The following LRRC8B variants were observed in gnomAD, a reference collection of about 807,000 sequenced individuals.
LRRC8B encodes volume-regulated anion channel subunit LRRC8B.
Under a neutral mutation model 58.8 loss-of-function variants are expected in LRRC8B, and 23 were observed. The observed-to-expected ratio is 0.39, with a 90% CI of 0.28 to 0.55. The LOEUF (loss-of-function observed/expected upper bound fraction) is 0.55. Among genes scored for constraint, LRRC8B ranks in the 20% least tolerant of loss-of-function variants. The probability of loss-of-function intolerance (pLI) is 0.62; values close to 1 mark genes in which losing one functional copy is unlikely to be tolerated. For missense variants in LRRC8B, 694 were observed against 936.0 expected, an observed-to-expected ratio of 0.74 and a Z score of 3.37; for synonymous variants, 359 against 374.1, an observed-to-expected ratio of 0.96 and a Z score of 0.47.
chr1:89,531,553 C>T (rs1650133373), intron 1 of LRRC8B, among the ~76,000 whole-genome samples: 1 of 152,148 alleles, frequency 6.6e-6, no homozygotes, highest in Non-Finnish European at 1.5e-5. Flanking sequence ...TCTAGATGAT[C>T]CTCTCTGGTA....
intron 1 of LRRC8B, among the ~76,000 whole-genome samples, chr1:89,530,361 A>AACAT (rs1557589180): frequency 7.2e-6 from 1 of 138,804 alleles, no homozygotes; most frequent in Non-Finnish European, 1.5e-5. Flanking sequence ...TCTGTCTCCA[A>AACAT]AAATAAATAA....
rs1351709232 is a variant in LRRC8B at position 89,597,271 on chromosome 1, T to C, written c.*4228T>C. On this transcript the variant is annotated 3_prime_UTR_variant, in exon 6 of 6. Coordinates refer to ENST00000330947, the MANE Select transcript of LRRC8B (RefSeq NM_001369817.2). ...TCAGCACTAAAGCATTAACATAGAATAATGAGCCAAAGTACTGAGTCGAGA... is the reference window on the plus strand; with the variant it reads ...TCAGCACTAAAGCATTAACATAGAACAATGAGCCAAAGTACTGAGTCGAGA... 6.6e-6 allele frequency: 1 copy of C among 152,214 alleles called. No individual in the cohort carries two copies. The highest frequency in any genetic ancestry group is 2.4e-5 in the African/African-American group (1 of 41,462). The allele number at this position is 152,214 out of a possible 1,614,324, so 9.4% of individuals were successfully genotyped here. A position where few individuals can be genotyped will look rare whatever the true frequency, so the allele number is the denominator to read the frequency against.
chr1:89,532,342 C>T (rs998807556), intron 1 of LRRC8B, among the ~76,000 whole-genome samples: 3 of 152,166 alleles, frequency 2.0e-5, no homozygotes, highest in Non-Finnish European at 4.4e-5. Context: ...GTGTAGTAAA[C>T]GTGCCAAAAC....
chr1:89,573,026 C>T (rs1653576356), intron 3 of LRRC8B, among the ~76,000 whole-genome samples: 2 of 152,280 alleles, frequency 1.3e-5, no homozygotes, highest in South Asian at 2.1e-4. Context: ...GTCGGCCAGG[C>T]ACGGTGGTTC....
At chr1:89,528,910 A>G (rs996119319) in intron 1 of LRRC8B, among the ~76,000 whole-genome samples, 1 of 152,182 alleles carries the variant, frequency 6.6e-6, no homozygotes, top group Admixed American at 6.5e-5. Context: ...GTTATATGTC[A>G]TTGCCTAGAA....
intron 1 of LRRC8B, among the ~76,000 whole-genome samples, chr1:89,546,135 A>G (rs939805736): frequency 2.0e-5 from 3 of 152,200 alleles, no homozygotes; most frequent in African/African-American, 7.2e-5. Context: ...CTATCAGAAT[A>G]GAGAGCATGT....
intron 1 of LRRC8B, among the ~76,000 whole-genome samples, chr1:89,530,979 C>A (rs768453908): frequency 2.0e-5 from 3 of 152,116 alleles, no homozygotes; most frequent in African/African-American, 7.2e-5. Context: ...GCATCTTCCA[C>A]GTATTGTGGT....
chr1:89,533,320 T>C (rs1267542624), intron 1 of LRRC8B, among the ~76,000 whole-genome samples: 2 of 152,216 alleles, frequency 1.3e-5, no homozygotes, highest in Admixed American at 6.5e-5. Flanking sequence ...GCTCTTCAGC[T>C]TCATCTCTTG....
chr1:89,573,052 G>A (rs1272593445), intron 3 of LRRC8B, among the ~76,000 whole-genome samples: 1 of 152,162 alleles, frequency 6.6e-6, no homozygotes, highest in Non-Finnish European at 1.5e-5. Flanking sequence ...TGTAATCCCA[G>A]CACTTTGGGA....
intron 5 of LRRC8B, among the ~76,000 whole-genome samples, chr1:89,588,278 A>G (rs901600310): frequency 2.0e-5 from 3 of 152,234 alleles, no homozygotes; most frequent in Admixed American, 1.3e-4. Flanking sequence ...CACAAAAAAC[A>G]TTAAATGTTT....
chr1:89,532,279 T>C (rs1316248688), intron 1 of LRRC8B, among the ~76,000 whole-genome samples: 2 of 152,138 alleles, frequency 1.3e-5, no homozygotes, highest in East Asian at 3.9e-4. Flanking sequence ...AGAATATAAG[T>C]TCTGTGAAAG....
chr1:89,570,501 G>C (rs878971109), intron 3 of LRRC8B, among the ~76,000 whole-genome samples: 1 of 151,958 alleles, frequency 6.6e-6, no homozygotes, highest in Non-Finnish European at 1.5e-5. Context: ...ATGCTTCTTG[G>C]CCATGTGTAT....
At position 89,546,400 on chromosome 1, in the gene LRRC8B, T is replaced by A. The variant is rs190230162; in HGVS notation, c.-241+21378T>A. ...AGATCTAATGTGCCATATTCAGTTC[T>A]GGAAGGCACATTTAAAGAGGACTTT... is the stretch of plus-strand genomic sequence containing the variant. On this transcript the variant is annotated intron_variant, in intron 1 of 5. Coordinates refer to ENST00000330947, the MANE Select transcript of LRRC8B (RefSeq NM_001369817.2). 7.9e-5 allele frequency among the ~76,000 whole-genome samples: 12 copies of A among 152,338 alleles called. No individual in the cohort carries two copies. The East Asian group carries it at 2.1e-3, about 27-fold the overall frequency.
intron 3 of LRRC8B, among the ~76,000 whole-genome samples, chr1:89,577,290 T>C (rs1413529624): frequency 1.3e-5 from 2 of 152,218 alleles, no homozygotes; most frequent in African/African-American, 4.8e-5. Flanking sequence ...TAAGGACTAC[T>C]GGGAAGTAAA....
chr1:89,529,218 C>T (rs1420109980), intron 1 of LRRC8B, among the ~76,000 whole-genome samples: 5 of 152,152 alleles, frequency 3.3e-5, no homozygotes, highest in African/African-American at 1.2e-4. Flanking sequence ...CTCCTTACTT[C>T]TTTTCCTTTA....
At chr1:89,574,782 A>G (rs1451084495) in intron 3 of LRRC8B, among the ~76,000 whole-genome samples, 3 of 152,198 alleles carry the variant, frequency 2.0e-5, no homozygotes, top group Non-Finnish European at 2.9e-5. Flanking sequence ...TCCTCTACCC[A>G]GCAAAAGATA....
At chr1:89,559,615 A>AT (rs1553156609) in intron 1 of LRRC8B, among the ~76,000 whole-genome samples, 1,880 of 141,332 alleles carry the variant, frequency 0.013, 35 homozygotes, top group African/African-American at 0.045. Flanking sequence ...AAAAAAAAAA[A>AT]ATATATATAT....
chr1:89,583,357 C>G lies in LRRC8B; in HGVS notation c.707C>G (p.Ala236Gly). ...LDKKEGEQAK[A>G]IFEKVKRFRM... ...AAGAAGGAGGGTGAACAGGCCAAAG[C>G]CATCTTTGAAAAAGTGAAAAGATTC... Residue 236 changes from alanine to glycine, a missense_variant, in exon 5 of 6, where the codon GCC (alanine) becomes GGC (glycine). Ala to Gly is a moderately conservative substitution (Grantham distance 60, BLOSUM62 0). This residue lies in a region of LRRC8B where 316 missense variants were observed against 403.8 expected (regional missense o/e 0.78). Transcript: ENST00000330947. This position sits in a 1 kb window ranked among gnomAD's most constrained non-coding sequence, Gnocchi z 5.2. The G allele has an allele frequency of 6.2e-7, 1 of 1,614,150 alleles. No individual in the cohort carries two copies. The highest frequency in any genetic ancestry group is 8.5e-7 in the Non-Finnish European group (1 of 1,180,022).
intron 3 of LRRC8B, among the ~76,000 whole-genome samples, chr1:89,577,122 C>G (rs559575989): frequency 6.6e-6 from 1 of 152,260 alleles, no homozygotes; most frequent in Non-Finnish European, 1.5e-5. Context: ...GTGTAGAGAA[C>G]CGCTATTTGG....
Sources: allele counts gnomAD v4.1 joint callset (sites outside exome capture counted in the v4.1 genomes callset), GRCh38; gene constraint gnomAD v4.1.1; regional missense constraint gnomAD v4.1.1; non-coding constraint Gnocchi (gnomAD v3.1); transcripts MANE v1.5; gene names NCBI Gene and HGNC (gene_info 2026-07-23, HGNC 2026-07-21).